Variants in ACER3 observed in about 807,000 individuals in gnomAD.
The protein encoded by ACER3 is alkaline ceramidase 3, also known as alkCDase 3.
ACER3 carries 16 observed loss-of-function variants against 48.9 expected under a neutral mutation model. That is an observed-to-expected ratio of 0.33 (90% CI 0.22 to 0.50). The LOEUF is 0.50. ACER3 is among the 20% of genes least tolerant of loss of function. ACER3 has a pLI of 0.98. For synonymous variants in ACER3, 109 were observed against 107.8 expected, an observed-to-expected ratio of 1.01 and a Z score of -0.07; for missense variants, 227 against 326.0, an observed-to-expected ratio of 0.70 and a Z score of 2.34.
At chr11:76,976,415 T>C (rs1948445041) in intron 4 of ACER3, 74 bp downstream of exon 4, 1 of 800,816 alleles carries the variant, frequency 1.2e-6, no homozygotes, top group African/African-American at 1.8e-5. Context: ...TTAATATAAC[T>C]GATACATTTA....
intron 1 of ACER3, among the ~76,000 whole-genome samples, chr11:76,921,528 C>T (rs929158664): frequency 2.0e-5 from 3 of 152,064 alleles, no homozygotes; most frequent in Non-Finnish European, 4.4e-5. Context: ...ATCAGGTGCT[C>T]GTAAATGTTA....
At chr11:76,965,274 G>C (rs1948108431) in intron 3 of ACER3, among the ~76,000 whole-genome samples, 1 of 151,292 alleles carries the variant, frequency 6.6e-6, no homozygotes, top group Non-Finnish European at 1.5e-5. Flanking sequence ...AGAATAAAAA[G>C]AAACGAACAA....
At chr11:76,903,011 A>C (rs1946120349) in intron 1 of ACER3, among the ~76,000 whole-genome samples, 1 of 152,340 alleles carries the variant, frequency 6.6e-6, no homozygotes, top group East Asian at 1.9e-4. Flanking sequence ...TTTTTATAAT[A>C]GATTTATGTA....
intron 3 of ACER3, among the ~76,000 whole-genome samples, chr11:76,971,880 A>G (rs1041912064): frequency 1.3e-5 from 2 of 152,086 alleles, no homozygotes; most frequent in African/African-American, 4.8e-5. Flanking sequence ...TCAGATTCTC[A>G]GTTAATCTTT....
chr11:76,876,275 T>TA (rs1378741557), intron 1 of ACER3, among the ~76,000 whole-genome samples: 1 of 151,774 alleles, frequency 6.6e-6, no homozygotes, highest in East Asian at 1.9e-4. Context: ...GTTCTGATTT[T>TA]TTTTTTTTCC....
intron 2 of ACER3, among the ~76,000 whole-genome samples, chr11:76,930,051 C>T (rs1249041227): frequency 6.6e-6 from 1 of 151,574 alleles, no homozygotes; most frequent in African/African-American, 2.4e-5. Context: ...ATGGTACCAG[C>T]TCCTCCTTGT....
intron 6 of ACER3, among the ~76,000 whole-genome samples, chr11:76,997,035 G>A (rs545017512): frequency 6.6e-6 from 1 of 152,216 alleles, no homozygotes; most frequent in East Asian, 1.9e-4. Context: ...CTCTGTTACT[G>A]TTATATGAAG....
chr11:76,953,206 C>G (rs934160688), intron 2 of ACER3, among the ~76,000 whole-genome samples: 1 of 152,138 alleles, frequency 6.6e-6, no homozygotes, highest in African/African-American at 2.4e-5. Flanking sequence ...GTATGCCTTG[C>G]AAGGAGTTTA....
At chr11:76,885,633 G>C (rs1378006533) in intron 1 of ACER3, among the ~76,000 whole-genome samples, 1 of 152,154 alleles carries the variant, frequency 6.6e-6, no homozygotes, top group Non-Finnish European at 1.5e-5. Context: ...GCTTAGGCTT[G>C]GCTAGTTTTG....
intron 2 of ACER3, among the ~76,000 whole-genome samples, chr11:76,934,561 T>C (rs1947120736): frequency 6.6e-6 from 1 of 152,236 alleles, no homozygotes; most frequent in Non-Finnish European, 1.5e-5. Flanking sequence ...GGCGTGCGCC[T>C]GCAATCGCAG....
In ACER3 at chr11:76,915,825, A is replaced by G. The variant is rs528545146; in HGVS notation, c.104-10732A>G. On this transcript the variant is annotated intron_variant, in intron 1 of 10. Transcript: ENST00000532485. ...GGAGAGTGTGTGCAAGCACAGGGAA[A>G]ACTACCATTTGTAAAACCATCAGAT... 7.2e-5 allele frequency among the ~76,000 whole-genome samples: 11 copies of G among 152,270 alleles called. No homozygotes were observed. The East Asian group carries it at 1.5e-3, about 21-fold the overall frequency.
intron 7 of ACER3, among the ~76,000 whole-genome samples, chr11:77,005,218 A>G (rs993492856): frequency 1.4e-4 from 22 of 151,912 alleles, no homozygotes; most frequent in African/African-American, 4.4e-4. Context: ...TTGTATTTTT[A>G]GTAGAGACGG....
intron 1 of ACER3, among the ~76,000 whole-genome samples, chr11:76,917,449 C>T (rs1946562775): frequency 6.6e-6 from 1 of 152,140 alleles, no homozygotes; most frequent in Admixed American, 6.5e-5. Context: ...CACGGTGGCT[C>T]ATGCCTGTAA....
rs35706097 is a variant in ACER3, at chr11:76,954,591, G to GT, written c.215-4377dup. Among the ~76,000 whole-genome samples, 313 of 143,628 alleles carry GT rather than the reference G, an allele frequency of 2.2e-3. 2 individuals carry two copies. The highest frequency in any genetic ancestry group is 5.2e-3 in the African/African-American group (196 of 37,848). The allele number at this position is 143,628 out of a possible 152,430, so 94.2% of individuals were successfully genotyped here. A position where few individuals can be genotyped will look rare whatever the true frequency, so the allele number is the denominator to read the frequency against. On this transcript the variant is annotated intron_variant, in intron 2 of 10. Transcript: ENST00000532485. ...GTTTTTTTGTTTAGTGGTTTGGTTGGTTTTTTTTTTTGTTTTTTGCTTTTT... is the reference window on the plus strand; with the variant it reads ...GTTTTTTTGTTTAGTGGTTTGGTTGGTTTTTTTTTTTTGTTTTTTGCTTTTT...
chr11:76,949,899 C>T (rs186007004), intron 2 of ACER3, among the ~76,000 whole-genome samples: 1 of 152,322 alleles, frequency 6.6e-6, no homozygotes, highest in African/African-American at 2.4e-5. Flanking sequence ...CTAGGTTCGT[C>T]TTCCGTAACT....
At chr11:76,975,874 C>CTTTTTTTTTTTTT (rs34786738) in intron 3 of ACER3, among the ~76,000 whole-genome samples, 86 of 82,670 alleles carry the variant, frequency 1.0e-3, no homozygotes, top group African/African-American at 1.2e-3. Flanking sequence ...TTTTTCTTTT[C>CTTTTTTTTTTTTT]TTTTTTTTTT....
chr11:77,020,267 C>A lies in ACER3; in HGVS notation c.751-7C>A, dbSNP rs1555024151. ...TTCTCATTTTGTCCTAATTTGTCCCCAAACAGTTTCTCTTTGGAATCTGGC... is the reference window on the plus strand; with the variant it reads ...TTCTCATTTTGTCCTAATTTGTCCCAAAACAGTTTCTCTTTGGAATCTGGC... On this transcript the variant is annotated splice_region_variant and splice_polypyrimidine_tract_variant and intron_variant, in intron 10 of 10. Coordinates refer to ENST00000532485, the MANE Select transcript of ACER3 (RefSeq NM_018367.7). 5 of 1,613,490 alleles carry A rather than the reference C, an allele frequency of 3.1e-6. No individual in the cohort carries two copies. In the South Asian group the frequency reaches 4.4e-5, roughly 14 times the overall value.
At chr11:76,931,753 G>C (rs1033023574) in intron 2 of ACER3, among the ~76,000 whole-genome samples, 1 of 151,928 alleles carries the variant, frequency 6.6e-6, no homozygotes, top group African/African-American at 2.4e-5. Context: ...ATGAAATTCT[G>C]TGTTGAAAAT....
intron 1 of ACER3, among the ~76,000 whole-genome samples, chr11:76,914,974 A>T (rs1946484538): frequency 6.6e-6 from 1 of 152,120 alleles, no homozygotes; most frequent in East Asian, 1.9e-4. Flanking sequence ...GCATGTTCTC[A>T]CTCATAGGTG....
Sources: gnomAD v4.1 joint callset for allele counts (sites outside exome capture counted in the v4.1 genomes callset) on GRCh38, gnomAD v4.1.1 for gene constraint, MANE v1.5 for transcripts, NCBI Gene and HGNC (gene_info 2026-07-23, HGNC 2026-07-21) for gene names.